Variants in KLHL3 observed in about 807,000 individuals in gnomAD.
KLHL3 encodes kelch-like protein 3.
In KLHL3, 19 loss-of-function variants were observed where a neutral mutation model predicts 70.5. The observed-to-expected ratio is 0.27, with a 90% CI of 0.19 to 0.40. The LOEUF (loss-of-function observed/expected upper bound fraction) is 0.40, where lower values mean the gene tolerates loss of function less well. KLHL3 is among the 10% of genes least tolerant of loss of function. The pLI, the probability that KLHL3 is intolerant of heterozygous loss-of-function variation, is 1.00. For synonymous variants in KLHL3, 258 were observed against 290.3 expected (o/e 0.89, Z 1.13); for missense variants, 512 against 771.1 (o/e 0.66, Z 3.98).
chr5:137,698,902 G>A (rs879755872), intron 3 of KLHL3, among the ~76,000 whole-genome samples: 1 of 152,098 alleles, frequency 6.6e-6, no homozygotes, highest in Non-Finnish European at 1.5e-5. Flanking sequence ...ACACACTTAA[G>A]CACTTTAAAG....
At chr5:137,623,343 C>A (rs1475875064) in intron 14 of KLHL3, among the ~76,000 whole-genome samples, 1 of 152,136 alleles carries the variant, frequency 6.6e-6, no homozygotes, top group Non-Finnish European at 1.5e-5. Context: ...AGCCAGGATA[C>A]CCCACTGGAG....
At chr5:137,731,415 G>A (rs1475082089) in intron 1 of KLHL3, among the ~76,000 whole-genome samples, 1 of 152,196 alleles carries the variant, frequency 6.6e-6, no homozygotes, top group Non-Finnish European at 1.5e-5. Flanking sequence ...AGGCTAGGTT[G>A]CTCAACACTT....
chr5:137,706,586 C>T (rs886830224), intron 3 of KLHL3: 4 of 156,144 alleles, frequency 2.6e-5, no homozygotes, highest in African/African-American at 9.7e-5. Context: ...CAGGAATGTA[C>T]ATAAAGATTA....
At position 137,709,682 on chromosome 5, in the gene KLHL3, A is replaced by G. The variant is rs575266494; in HGVS notation, c.241+68T>C. 5.6e-6 allele frequency: 7 copies of G among 1,251,302 alleles called. No individual in the cohort carries two copies. The East Asian group carries it at 1.6e-4, about 29-fold the overall frequency. 77.5% of individuals were successfully genotyped at this position (1,251,302 alleles called of 1,614,324 possible). On this transcript the variant is annotated intron_variant, in intron 3 of 14. Coordinates refer to ENST00000309755, the MANE Select transcript of KLHL3 (RefSeq NM_017415.3). ...CTTTCCTCCCTCCCCTCATGTCACC[A>G]CCCCCAACATTCTCCCAGTGGGGCT...
In KLHL3 at chr5:137,625,744, C is replaced by T. The variant is rs758722106; in HGVS notation, c.1735+9G>A. On this transcript the variant is annotated intron_variant, in intron 14 of 14. Transcript: ENST00000309755. ...CTCTCGGATGGGCATGGAGATGGCA[C>T]ACACTGACCTGCATAGCTCCGCCCC... The T allele has an allele frequency of 6.2e-7, 1 of 1,614,062 alleles. No individual in the cohort carries two copies.
At position 137,639,064 on chromosome 5, in the gene KLHL3, C is replaced by G; in HGVS notation, c.1108G>C (p.Val370Leu). 3 of 1,614,146 alleles carry G rather than the reference C, an allele frequency of 1.9e-6. No individual in the cohort carries two copies. Among genetic ancestry groups the G allele is most frequent in the Non-Finnish European group, 2.5e-6 (3 of 1,180,026 alleles). Residue 370 changes from valine (V) to leucine (L), a missense_variant, in exon 10 of 15, where the codon GTG (valine) becomes CTG (leucine). Val to Leu is a conservative substitution (Grantham distance 32). Coordinates refer to ENST00000309755, the MANE Select transcript of KLHL3 (RefSeq NM_017415.3). The surrounding 1 kb of genome is among the most constrained non-coding windows in gnomAD (Gnocchi z 5.0). ...RVRTVDVYDGVKDQWTSIASM... is the reference protein window; with the variant it reads ...RVRTVDVYDGLKDQWTSIASM... Reference sequence around the variant, plus strand: ...GCAATGGACGTCCACTGGTCCTTCACGCCGTCATACACATCCACTGTCCGC... The same window carrying G: ...GCAATGGACGTCCACTGGTCCTTCAGGCCGTCATACACATCCACTGTCCGC...
intron 12 of KLHL3, 125 bp downstream of exon 12, chr5:137,633,912 T>C (rs1750703976): frequency 3.2e-6 from 4 of 1,250,150 alleles, no homozygotes; most frequent in South Asian, 2.6e-5. Flanking sequence ...AACTCGACCA[T>C]TATGCAATAT....
intron 8 of KLHL3, among the ~76,000 whole-genome samples, chr5:137,651,244 C>T (rs529757092): frequency 6.6e-6 from 1 of 152,180 alleles, no homozygotes; most frequent in Non-Finnish European, 1.5e-5. Flanking sequence ...CCTACAGTTG[C>T]GTAGAGGAGC....
At chr5:137,702,345 T>G (rs772710487) in intron 3 of KLHL3, among the ~76,000 whole-genome samples, 2 of 152,202 alleles carry the variant, frequency 1.3e-5, no homozygotes, top group South Asian at 4.1e-4. Context: ...GGAGGAGTCA[T>G]AGTTATTCAG....
chr5:137,647,529 G>A (rs1390245010), intron 8 of KLHL3: 2 of 472,018 alleles, frequency 4.2e-6, no homozygotes, highest in African/African-American at 4.0e-5. Context: ...TAGAATGCAT[G>A]TCCAAACTCT....
At chr5:137,646,234 G>A (rs1181918454) in intron 8 of KLHL3, among the ~76,000 whole-genome samples, 1 of 151,996 alleles carries the variant, frequency 6.6e-6, no homozygotes, top group Non-Finnish European at 1.5e-5. Context: ...AAATCACAAC[G>A]AGATATCACC....
chr5:137,695,405 T>C (rs184778059), intron 4 of KLHL3, among the ~76,000 whole-genome samples: 122 of 152,266 alleles, frequency 8.0e-4, no homozygotes, highest in Non-Finnish European at 1.2e-3. Context: ...TTTCCCTCTC[T>C]TTGACTCTGA....
At chr5:137,637,814 G>A (rs969316200) in intron 10 of KLHL3, among the ~76,000 whole-genome samples, 21 of 152,202 alleles carry the variant, frequency 1.4e-4, no homozygotes, top group African/African-American at 3.4e-4. Context: ...GCAGCTAGGC[G>A]TGACCAAGTC....
rs150727513 is a variant in KLHL3 at position 137,642,783 on chromosome 5, G to A, written c.904-2806C>T. On this transcript the variant is annotated intron_variant, in intron 8 of 14. Coordinates refer to ENST00000309755, the MANE Select transcript of KLHL3 (RefSeq NM_017415.3). ...AGCAAGCAAAATAAAAAGAGAAAGT[G>A]AGAGCTTTTCCCATCTTTTGACTCA... Among the ~76,000 whole-genome samples the A allele has an allele frequency of 5.9e-4, 90 of 152,116 alleles. 1 individual carries two copies. Among genetic ancestry groups the A allele is most frequent in the African/African-American group, 2.1e-3 (87 of 41,520 alleles).
rs1750528013 is a variant in KLHL3, at chr5:137,628,147, TC to T, written c.1591+149del. ...GGTCTCAATTTCTCCCCTCCTCTAA[TC>T]AAGAGCCCACCTGGCAAATGCACAC... On this transcript the variant is annotated intron_variant, in intron 13 of 14. Coordinates refer to ENST00000309755, the MANE Select transcript of KLHL3 (RefSeq NM_017415.3). 3.2e-6 allele frequency: 3 copies of T among 950,466 alleles called. No individual in the cohort carries two copies. The Admixed American group carries it at 7.3e-5, about 23-fold the overall frequency. The allele number at this position is 950,466 out of a possible 1,614,324, so 58.9% of individuals were successfully genotyped here.
intron 3 of KLHL3, 136 bp downstream of exon 3, chr5:137,709,614 A>C: frequency 2.9e-6 from 2 of 687,594 alleles, no homozygotes; most frequent in Admixed American, 4.5e-5. Context: ...AAAGCACACT[A>C]TCTGGCGTAG....
chr5:137,617,888 T>C lies in KLHL3; in HGVS notation c.*4210A>G, dbSNP rs6863414. ...CACTGAAAATGAGGGGAGGGGAGGATGGGGGAGCGAATAATTTACAATCTC... is the reference window on the plus strand; with the variant it reads ...CACTGAAAATGAGGGGAGGGGAGGACGGGGGAGCGAATAATTTACAATCTC... On this transcript the variant is annotated 3_prime_UTR_variant, in exon 15 of 15. Transcript: ENST00000309755. 99,473 of 152,034 alleles carry C rather than the reference T, an allele frequency of 0.65. 32,833 individuals carry two copies. The highest frequency in any genetic ancestry group is 0.72 in the South Asian group (3,452 of 4,804). 9.4% of individuals were successfully genotyped at this position (152,034 alleles called of 1,614,324 possible).
At chr5:137,624,181 T>G (rs1374624104) in intron 14 of KLHL3, among the ~76,000 whole-genome samples, 2 of 152,234 alleles carry the variant, frequency 1.3e-5, no homozygotes, top group Non-Finnish European at 2.9e-5. Flanking sequence ...TCTTTGTATT[T>G]TGGAGCATTT....
At chr5:137,633,479 GA>G (rs1750692153) in intron 12 of KLHL3, among the ~76,000 whole-genome samples, 1 of 151,824 alleles carries the variant, frequency 6.6e-6, no homozygotes, top group Non-Finnish European at 1.5e-5. Flanking sequence ...CTATGCAAAG[GA>G]AAAGAAATCA....
Sources: allele counts gnomAD v4.1 joint callset (sites outside exome capture counted in the v4.1 genomes callset), GRCh38; gene constraint gnomAD v4.1.1; non-coding constraint Gnocchi (gnomAD v3.1); transcripts MANE v1.5; gene names NCBI Gene and HGNC (gene_info 2026-07-23, HGNC 2026-07-21).